SGCG: variants seen among roughly 807,000 people sequenced by gnomAD.
SGCG encodes the protein sarcoglycan gamma, also known as gamma-sarcoglycan.
A neutral mutation model predicts 29.3 loss-of-function variants in SGCG; 26 were observed. The observed-to-expected ratio is 0.89, with a 90% CI of 0.65 to 1.23. The LOEUF is 1.23. SGCG is among the 50% of genes most tolerant of loss of function. SGCG has a pLI of 0.00. For synonymous variants in SGCG, 145 were observed against 129.7 expected, an observed-to-expected ratio of 1.12 and a Z score of -0.80; for missense variants, 353 against 356.0, an observed-to-expected ratio of 0.99 and a Z score of 0.07.
chr13:23,293,605 C>T (rs1881797475), intron 5 of SGCG, among the ~76,000 whole-genome samples: 1 of 152,130 alleles, frequency 6.6e-6, no homozygotes, highest in South Asian at 2.1e-4. Flanking sequence ...CCAAGGAAGA[C>T]AGATCACCGG....
chr13:23,192,978 A>C (rs1877338629), intron 1 of SGCG, among the ~76,000 whole-genome samples: 1 of 152,204 alleles, frequency 6.6e-6, no homozygotes, highest in African/African-American at 2.4e-5. Context: ...CAGGCAATAA[A>C]AAGTAAACAA....
rs894751546 is a variant in SGCG at position 23,275,289 on chromosome 13, C to T, written c.386-4070C>T. 5.3e-5 allele frequency among the ~76,000 whole-genome samples: 8 copies of T among 151,692 alleles called. No homozygotes were observed. The East Asian group carries it at 9.7e-4, about 18-fold the overall frequency. ...CAGCACTTTGGGAGGCAGAGGTGGG[C>T]GGATCACTTGAGGCCAGGAGTTCAA... On this transcript the variant is annotated intron_variant, in intron 4 of 7. Transcript: ENST00000218867.
intron 2 of SGCG, 115 bp downstream of exon 2, chr13:23,204,004 T>C (rs1340586486): frequency 1.2e-6 from 1 of 827,742 alleles, no homozygotes; most frequent in Non-Finnish European, 2.0e-6. Flanking sequence ...CTTTGCTGTC[T>C]GGCTCTGAAT....
At chr13:23,233,649 G>A (rs1221908729) in intron 2 of SGCG, among the ~76,000 whole-genome samples, 1 of 152,108 alleles carries the variant, frequency 6.6e-6, no homozygotes, top group Non-Finnish European at 1.5e-5. Context: ...GCACAGATCT[G>A]TACTCTTAAA....
chr13:23,194,364 C>T (rs918983363), intron 1 of SGCG, among the ~76,000 whole-genome samples: 5 of 152,132 alleles, frequency 3.3e-5, no homozygotes, highest in African/African-American at 4.8e-5. Flanking sequence ...GTGCAAGTGA[C>T]GGAAACCCAA....
chr13:23,310,649 G>A (rs1429320167), intron 6 of SGCG, among the ~76,000 whole-genome samples: 1 of 151,778 alleles, frequency 6.6e-6, no homozygotes, highest in Non-Finnish European at 1.5e-5. Context: ...CTATCATTTT[G>A]TTTTATTTAC....
the SGCG span, among the ~76,000 whole-genome samples, chr13:23,171,676 G>T: frequency 6.6e-6 from 1 of 152,148 alleles, no homozygotes; most frequent in East Asian, 1.9e-4. Flanking sequence ...AACTGTTCCA[G>T]ATAAGATCAT....
rs112672390 is a variant in SGCG at position 23,203,521 on chromosome 13, A to C, written c.1-174A>C. On this transcript the variant is annotated intron_variant, in intron 1 of 7. Coordinates refer to ENST00000218867, the MANE Select transcript of SGCG (RefSeq NM_000231.3). ...ATCTCCCTGTGATTGAAACACAGTG[A>C]CATGTTTCAAAATAATATTTAATTA... 3.3e-3 allele frequency among the ~76,000 whole-genome samples: 508 copies of C among 152,374 alleles called. 2 individuals are homozygous for C. Among genetic ancestry groups the C allele is most frequent in the African/African-American group, 0.012 (479 of 41,584 alleles).
At chr13:23,266,027 A>G (rs1880625940) in intron 4 of SGCG, among the ~76,000 whole-genome samples, 1 of 152,154 alleles carries the variant, frequency 6.6e-6, no homozygotes, top group African/African-American at 2.4e-5. Flanking sequence ...TGCCCATCAA[A>G]CAATGTGTGG....
intron 6 of SGCG, among the ~76,000 whole-genome samples, chr13:23,303,540 A>G (rs1882251935): frequency 6.6e-6 from 1 of 152,168 alleles, no homozygotes; most frequent in Non-Finnish European, 1.5e-5. Flanking sequence ...GAGATCCGAG[A>G]GTGGGGAGTT....
the SGCG span, among the ~76,000 whole-genome samples, chr13:23,169,467 T>C: frequency 3.3e-5 from 5 of 151,084 alleles, no homozygotes; most frequent in Admixed American, 1.3e-4. Flanking sequence ...GATCACGAGG[T>C]CAAGAGATCG....
At chr13:23,230,875 A>G (rs973809569) in intron 2 of SGCG, among the ~76,000 whole-genome samples, 3 of 152,146 alleles carry the variant, frequency 2.0e-5, no homozygotes, top group Non-Finnish European at 4.4e-5. Context: ...CCAGTTTTCA[A>G]GGGGACTGCT....
At chr13:23,205,917 A>G (rs1429225763) in intron 2 of SGCG, among the ~76,000 whole-genome samples, 1 of 152,248 alleles carries the variant, frequency 6.6e-6, no homozygotes, top group Non-Finnish European at 1.5e-5. Flanking sequence ...CAAGATACCC[A>G]AAGTCACTAA....
At chr13:23,301,924 G>A (rs2137657279) in intron 6 of SGCG, among the ~76,000 whole-genome samples, 1 of 151,950 alleles carries the variant, frequency 6.6e-6, no homozygotes, top group African/African-American at 2.4e-5. Context: ...AAATCAATGG[G>A]AACACTACTT....
chr13:23,298,390 C>T (rs1881991406), intron 6 of SGCG, among the ~76,000 whole-genome samples: 6 of 152,024 alleles, frequency 3.9e-5, no homozygotes, highest in Admixed American at 3.9e-4. Flanking sequence ...TATTATACTA[C>T]ATAGATATTC....
At chr13:23,302,880 G>GT (rs1882217334) in intron 6 of SGCG, among the ~76,000 whole-genome samples, 1 of 152,146 alleles carries the variant, frequency 6.6e-6, no homozygotes, top group Admixed American at 6.5e-5. Context: ...ACATAAGTAA[G>GT]TAGGTATGAA....
At chr13:23,168,859 T>G in the SGCG span, among the ~76,000 whole-genome samples, 1 of 152,104 alleles carries the variant, frequency 6.6e-6, no homozygotes, top group Admixed American at 6.6e-5. Context: ...ATGCCCATTT[T>G]TCTCACATTT....
At chr13:23,189,225 G>A (rs1877138526) in intron 1 of SGCG, among the ~76,000 whole-genome samples, 1 of 152,200 alleles carries the variant, frequency 6.6e-6, no homozygotes, top group Non-Finnish European at 1.5e-5. Context: ...CGTCCAGGCT[G>A]GAGTGCAGTG....
At chr13:23,210,318 T>C (rs1007906352) in intron 2 of SGCG, among the ~76,000 whole-genome samples, 1 of 152,192 alleles carries the variant, frequency 6.6e-6, no homozygotes, top group Admixed American at 6.5e-5. Flanking sequence ...AGTGTATATA[T>C]TGATGTAGTA....
Sources: gnomAD v4.1 joint callset for allele counts (sites outside exome capture counted in the v4.1 genomes callset) on GRCh38, gnomAD v4.1.1 for gene constraint, MANE v1.5 for transcripts, NCBI Gene and HGNC (gene_info 2026-07-23, HGNC 2026-07-21) for gene names.